SYNPO2: variants seen among roughly 807,000 people sequenced by gnomAD.
SYNPO2 encodes synaptopodin-2.
A neutral mutation model predicts 85.0 loss-of-function variants in SYNPO2; 56 were observed. The observed-to-expected ratio is 0.66, with a 90% CI of 0.53 to 0.82. The LOEUF (loss-of-function observed/expected upper bound fraction) is 0.82, where lower values mean the gene tolerates loss of function less well. Ranked by LOEUF, SYNPO2 falls within the 40% of genes least tolerant of loss-of-function variation. The pLI is 0.00. For synonymous variants in SYNPO2, 602 were observed against 591.1 expected, an observed-to-expected ratio of 1.02 and a Z score of -0.27; for missense variants, 1,575 against 1,534.2, an observed-to-expected ratio of 1.03 and a Z score of -0.44.
At chr4:118,967,595 A>G (rs1159836468) in intron 1 of SYNPO2, among the ~76,000 whole-genome samples, 3 of 152,216 alleles carry the variant, frequency 2.0e-5, no homozygotes, top group Non-Finnish European at 4.4e-5. Flanking sequence ...GGGAAGCCCC[A>G]TTCATGGTAA....
Position 119,036,166 on chromosome 4 carries a change from G to T in SYNPO2, c.3252+4139G>T, listed in dbSNP as rs1357875053. ...AGTCACAACTGGCCCAGCAGGCAGGGCATTTGAAGTCATGGTCATCAAAAA... is the reference window on the plus strand; with the variant it reads ...AGTCACAACTGGCCCAGCAGGCAGGTCATTTGAAGTCATGGTCATCAAAAA... On this transcript the variant is annotated intron_variant, in intron 4 of 4. Transcript: ENST00000307142. 4.1e-6 allele frequency: 4 copies of T among 985,298 alleles called. No homozygotes were observed. The South Asian group carries it at 1.9e-4, about 46-fold the overall frequency. 61.0% of individuals were successfully genotyped at this position (985,298 alleles called of 1,614,324 possible).
chr4:119,023,454 G>C lies in SYNPO2; in HGVS notation c.130G>C (p.Gly44Arg). 1 of 1,613,196 alleles carries C rather than the reference G, an allele frequency of 6.2e-7. No individual in the cohort carries two copies. The highest frequency in any genetic ancestry group is 8.5e-7 in the Non-Finnish European group (1 of 1,179,498). The change falls in exon 2 of 5, where the codon GGG becomes CGG. Residue 44 changes from glycine to arginine, a missense_variant. Coordinates refer to ENST00000307142, the MANE Select transcript of SYNPO2 (RefSeq NM_133477.3). ...AKIRNQSKAS[G>R]SGLCEGDEVV... ...GATTCGAAATCAGAGCAAAGCCTCT[G>C]GGTCTGGGCTCTGTGAGGGAGATGA...
chr4:118,859,272 AATT>A (rs1731567081), intron 1 of SYNPO2, among the ~76,000 whole-genome samples: 1 of 152,280 alleles, frequency 6.6e-6, no homozygotes, highest in African/African-American at 2.4e-5. Context: ...TTAAATCTTT[AATT>A]TTTAATTTTT....
intron 1 of SYNPO2, among the ~76,000 whole-genome samples, chr4:118,965,503 A>G (rs571849899): frequency 6.6e-6 from 1 of 152,196 alleles, no homozygotes; most frequent in African/African-American, 2.4e-5. Flanking sequence ...ATCCAGGCCC[A>G]CTTTTTTCAT....
At chr4:119,005,384 C>A (rs566012998) in intron 1 of SYNPO2, among the ~76,000 whole-genome samples, 2 of 151,764 alleles carry the variant, frequency 1.3e-5, no homozygotes, top group Admixed American at 1.3e-4. Context: ...GTCTTTAATC[C>A]ATCTTGAATT....
chr4:118,923,901 A>AC (rs1281462589), intron 1 of SYNPO2, among the ~76,000 whole-genome samples: 2 of 152,144 alleles, frequency 1.3e-5, no homozygotes, highest in East Asian at 1.9e-4. Flanking sequence ...AAAAAAAAAA[A>AC]AAAAACCTGA....
At chr4:118,878,576 TAAACGCACCAATCACCACTCTGTAA>T (rs1234006661) in intron 1 of SYNPO2, among the ~76,000 whole-genome samples, 6 of 152,052 alleles carry the variant, frequency 3.9e-5, no homozygotes, top group Non-Finnish European at 7.4e-5. Context: ...TAAAGGTTTG[TAAACGCACCAATCACCACTCTGTAA>T]AAACGCACCA....
chr4:119,026,056 T>A (rs544834556), intron 2 of SYNPO2, among the ~76,000 whole-genome samples: 1 of 152,330 alleles, frequency 6.6e-6, no homozygotes, highest in East Asian at 1.9e-4. Flanking sequence ...CGGAAAGGAT[T>A]TCTCTTTACG....
chr4:119,000,986 A>G lies in SYNPO2; in HGVS notation c.106-22444A>G, dbSNP rs144060154. Among the ~76,000 whole-genome samples, 317 of 152,336 alleles carry G rather than the reference A, an allele frequency of 2.1e-3. 3 individuals are homozygous for G. Among genetic ancestry groups the G allele is most frequent in the East Asian group, 0.015 (77 of 5,184 alleles). On this transcript the variant is annotated intron_variant, in intron 1 of 4. Transcript: ENST00000307142. ...CATATGAGTGCAGTGAAGTGAAGTT[A>G]TATTTGAGCTCTCCATCATAGAATT...
At chr4:119,051,781 C>T (rs1486676320) in intron 4 of SYNPO2, among the ~76,000 whole-genome samples, 1 of 152,068 alleles carries the variant, frequency 6.6e-6, no homozygotes, top group Non-Finnish European at 1.5e-5. Context: ...ACCCAAGGCC[C>T]CCAGATACAA....
intron 4 of SYNPO2, among the ~76,000 whole-genome samples, chr4:119,054,241 G>A (rs532551740): frequency 5.4e-4 from 83 of 152,324 alleles, no homozygotes; most frequent in Middle Eastern, 3.4e-3. Context: ...CAGAGGGAGC[G>A]TTACAGTGCT....
chr4:118,908,506 C>T (rs547564159), intron 1 of SYNPO2, among the ~76,000 whole-genome samples: 17 of 152,118 alleles, frequency 1.1e-4, no homozygotes, highest in East Asian at 3.9e-4. Context: ...ATTTCCAGAT[C>T]GTTTCAGGAT....
chr4:118,881,464 A>C (rs1164602823), intron 1 of SYNPO2, among the ~76,000 whole-genome samples: 1 of 152,100 alleles, frequency 6.6e-6, no homozygotes, highest in Non-Finnish European at 1.5e-5. Context: ...AGACCCCCAA[A>C]TGTGAAAGAA....
chr4:119,019,893 T>C (rs192030735), intron 1 of SYNPO2, among the ~76,000 whole-genome samples: 8 of 152,294 alleles, frequency 5.3e-5, no homozygotes, highest in African/African-American at 1.2e-4. Flanking sequence ...AGTTCACTGA[T>C]AGAGAATTGG....
chr4:118,854,007 C>G (rs1329443447), intron 1 of SYNPO2, among the ~76,000 whole-genome samples: 1 of 152,056 alleles, frequency 6.6e-6, no homozygotes, highest in Non-Finnish European at 1.5e-5. Flanking sequence ...TAAAAAAATG[C>G]AATAAACTCT....
chr4:118,933,350 G>A (rs1267014946), intron 1 of SYNPO2, among the ~76,000 whole-genome samples: 1 of 152,188 alleles, frequency 6.6e-6, no homozygotes, highest in Non-Finnish European at 1.5e-5. Flanking sequence ...GGCTGCTCCT[G>A]ACCAGAGGCT....
intron 2 of SYNPO2, among the ~76,000 whole-genome samples, chr4:119,025,542 G>C (rs1473957467): frequency 6.6e-6 from 1 of 152,082 alleles, no homozygotes; most frequent in Non-Finnish European, 1.5e-5. Flanking sequence ...AGTATTTTGA[G>C]CATTGGTCGG....
intron 1 of SYNPO2, among the ~76,000 whole-genome samples, chr4:118,935,736 A>G (rs1734078826): frequency 6.6e-6 from 1 of 152,278 alleles, no homozygotes; most frequent in South Asian, 2.1e-4. Context: ...TAACATAAAC[A>G]GTTGATTAAC....
At chr4:119,055,691 C>T (rs1032478333) in intron 4 of SYNPO2, among the ~76,000 whole-genome samples, 2 of 152,044 alleles carry the variant, frequency 1.3e-5, no homozygotes, top group African/African-American at 4.8e-5. Context: ...GTCAGGATTC[C>T]CCACACCTCA....
Sources: allele counts gnomAD v4.1 joint callset (sites outside exome capture counted in the v4.1 genomes callset), GRCh38; gene constraint gnomAD v4.1.1; transcripts MANE v1.5; gene names NCBI Gene and HGNC (gene_info 2026-07-23, HGNC 2026-07-21).